The following UBE2QL1 variants were observed in gnomAD, a reference collection of about 807,000 sequenced individuals.
The protein encoded by UBE2QL1 is ubiquitin conjugating enzyme E2 QL1, also known as ubiquitin-conjugating enzyme E2Q-like protein 1.
UBE2QL1 carries 5 observed loss-of-function variants against 12.6 expected under a neutral mutation model. That is an observed-to-expected ratio of 0.40 (90% CI 0.21 to 0.83). UBE2QL1 has a LOEUF of 0.83. Ranked by LOEUF, UBE2QL1 falls within the 40% of genes least tolerant of loss-of-function variation. The probability of loss-of-function intolerance (pLI) is 0.37; values close to 1 mark genes in which losing one functional copy is unlikely to be tolerated. For synonymous variants in UBE2QL1, 96 were observed against 94.5 expected (o/e 1.02, Z -0.10); for missense variants, 99 against 222.6 (o/e 0.44, Z 3.53).
At chr5:6,488,672 T>C (rs2126374476) in intron 1 of UBE2QL1, among the ~76,000 whole-genome samples, 1 of 152,020 alleles carries the variant, frequency 6.6e-6, no homozygotes, top group South Asian at 2.1e-4. Context: ...TGGTGATGCA[T>C]GCCTGTAGCA....
chr5:6,465,624 C>T (rs1389989425), intron 1 of UBE2QL1, among the ~76,000 whole-genome samples: 1 of 152,144 alleles, frequency 6.6e-6, no homozygotes. Context: ...CTTGGGGGGG[C>T]TCTGGGATGC....
intron 1 of UBE2QL1, among the ~76,000 whole-genome samples, chr5:6,471,859 T>C (rs1739918992): frequency 6.6e-6 from 1 of 152,232 alleles, no homozygotes; most frequent in African/African-American, 2.4e-5. Context: ...TTTTTACACA[T>C]GCATAATAAA....
Position 6,458,184 on chromosome 5 carries a change from C to T in UBE2QL1, c.354+8937C>T, listed in dbSNP as rs374319769. Among the ~76,000 whole-genome samples the T allele has an allele frequency of 5.2e-3, 797 of 152,296 alleles. 4 individuals are homozygous for T. The highest frequency in any genetic ancestry group is 0.018 in the African/African-American group (748 of 41,552). ...ATCACTCAGATTGAAGGAATGTCTA[C>T]CTTAAAATAATTTCTCTAAAATAAA... On this transcript the variant is annotated intron_variant, in intron 1 of 1. Transcript: ENST00000399816.
intron 1 of UBE2QL1, among the ~76,000 whole-genome samples, chr5:6,488,149 G>A (rs1052699276): frequency 9.9e-5 from 15 of 152,148 alleles, no homozygotes; most frequent in Admixed American, 9.2e-4. Flanking sequence ...GGCTCATAAC[G>A]GGCTCTGTCT....
intron 1 of UBE2QL1, among the ~76,000 whole-genome samples, chr5:6,477,854 A>G (rs1205247237): frequency 6.6e-6 from 1 of 152,238 alleles, no homozygotes; most frequent in Non-Finnish European, 1.5e-5. Flanking sequence ...CATATCCCAT[A>G]TCGCACAAGT....
At position 6,448,938 on chromosome 5, in the gene UBE2QL1, C is replaced by T; in HGVS notation, c.45C>T (p.Ile15=). Reference sequence around the variant, plus strand: ...TCGCGCGCCTTAGCGACCGCTTCATCTCCGTGGAGCTGGTGGACGAGAGCC... The same window carrying T: ...TCGCGCGCCTTAGCGACCGCTTCATTTCCGTGGAGCTGGTGGACGAGAGCC... ...QDIARLSDRF[I]SVELVDESLF... Residue 15 remains isoleucine, a synonymous_variant, in exon 1 of 2, where the codon ATC becomes ATT. Coordinates refer to ENST00000399816, the MANE Select transcript of UBE2QL1 (RefSeq NM_001145161.3). 13 of 1,546,706 alleles carry T rather than the reference C, an allele frequency of 8.4e-6. No homozygotes were observed. The highest frequency in any genetic ancestry group is 1.1e-5 in the Non-Finnish European group (13 of 1,145,090).
At chr5:6,455,624 G>A (rs116552781) in intron 1 of UBE2QL1, among the ~76,000 whole-genome samples, 327 of 152,224 alleles carry the variant, frequency 2.1e-3, no homozygotes, top group African/African-American at 7.4e-3. Flanking sequence ...AGACTTTGTG[G>A]TCTAGGATCA....
At chr5:6,483,429 A>T (rs1579300969) in intron 1 of UBE2QL1, among the ~76,000 whole-genome samples, 1 of 138,300 alleles carries the variant, frequency 7.2e-6, no homozygotes, top group Non-Finnish European at 1.5e-5. Context: ...ACAGAGTGAG[A>T]CTCTGTCTAA....
intron 1 of UBE2QL1, among the ~76,000 whole-genome samples, chr5:6,474,436 A>G (rs1178983109): frequency 1.3e-5 from 2 of 152,232 alleles, no homozygotes; most frequent in Non-Finnish European, 2.9e-5. Context: ...CTCCAACTCC[A>G]GTGCCGGGAT....
chr5:6,475,069 G>T (rs113396472), intron 1 of UBE2QL1, among the ~76,000 whole-genome samples: 5,680 of 152,256 alleles, frequency 0.037, 393 homozygotes, highest in African/African-American at 0.13. Context: ...AAGATTTCAA[G>T]TGACGCTTGT....
intron 1 of UBE2QL1, among the ~76,000 whole-genome samples, chr5:6,454,794 G>A (rs1291569564): frequency 5.3e-5 from 8 of 152,150 alleles, no homozygotes; most frequent in Non-Finnish European, 7.3e-5. Flanking sequence ...TTTTGGTAGC[G>A]TGCTTATGAG....
At chr5:6,473,301 G>A (rs1320990105) in intron 1 of UBE2QL1, among the ~76,000 whole-genome samples, 1 of 152,210 alleles carries the variant, frequency 6.6e-6, no homozygotes, top group African/African-American at 2.4e-5. Flanking sequence ...TGAAATCTCA[G>A]CAGTTTAATA....
intron 1 of UBE2QL1, among the ~76,000 whole-genome samples, chr5:6,456,929 A>G (rs79971768): frequency 1.7e-3 from 259 of 151,838 alleles, no homozygotes; most frequent in Non-Finnish European, 2.9e-3. Context: ...TTCTATTCCT[A>G]TTCTTCAGTG....
chr5:6,487,121 G>A (rs571811403), intron 1 of UBE2QL1, among the ~76,000 whole-genome samples: 45 of 152,342 alleles, frequency 3.0e-4, no homozygotes, highest in African/African-American at 1.1e-3. Context: ...TGAATGAGAA[G>A]CATTAGACAA....
In UBE2QL1 at chr5:6,449,043, G is replaced by C; in HGVS notation, c.150G>C (p.Glu50Asp). Reference protein sequence around the residue: ...LWQDMKETNTEFILLNLTFPD... With the variant: ...LWQDMKETNTDFILLNLTFPD... ...AGGACATGAAGGAGACCAACACCGAGTTCATCCTGCTCAACCTCACCTTCC... is the reference window on the plus strand; with the variant it reads ...AGGACATGAAGGAGACCAACACCGACTTCATCCTGCTCAACCTCACCTTCC... Residue 50 changes from glutamate (E) to aspartate (D), a missense_variant, in exon 1 of 2, where the codon GAG (glutamate) becomes GAC (aspartate). Coordinates refer to ENST00000399816, the MANE Select transcript of UBE2QL1 (RefSeq NM_001145161.3). 6.5e-7 allele frequency: 1 copy of C among 1,549,128 alleles called. No homozygotes were observed. The highest frequency in any genetic ancestry group is 1.2e-5 in the South Asian group (1 of 83,410).
chr5:6,461,624 G>C (rs1469827447), intron 1 of UBE2QL1, among the ~76,000 whole-genome samples: 1 of 142,884 alleles, frequency 7.0e-6, no homozygotes, highest in African/African-American at 2.6e-5. Flanking sequence ...ATCTAAATCA[G>C]TTCCTGGGCC....
intron 1 of UBE2QL1, among the ~76,000 whole-genome samples, chr5:6,467,319 T>G (rs1177479516): frequency 1.3e-5 from 2 of 152,066 alleles, no homozygotes; most frequent in Non-Finnish European, 2.9e-5. Flanking sequence ...ACGACAGAAA[T>G]GCATTCTCTC....
chr5:6,467,690 A>G, intron 1 of UBE2QL1, among the ~76,000 whole-genome samples: 1 of 151,970 alleles, frequency 6.6e-6, no homozygotes, highest in South Asian at 2.1e-4. Context: ...TCTTTCCTGC[A>G]GCTTTTGCCT....
In UBE2QL1 at chr5:6,481,151, A is replaced by G. The variant is rs1028662503; in HGVS notation, c.355-10067A>G. 6.6e-6 allele frequency among the ~76,000 whole-genome samples: 1 copy of G among 152,072 alleles called. No individual in the cohort carries two copies. The highest frequency in any genetic ancestry group is 1.5e-5 in the Non-Finnish European group (1 of 68,016). On this transcript the variant is annotated intron_variant, in intron 1 of 1. Transcript: ENST00000399816. The surrounding 1 kb of genome is among the most constrained non-coding windows in gnomAD (Gnocchi z 4.5). ...GCTTCTCGGGCCATTTCACCTGTGC[A>G]CGCTTCGTTGTGGCTGCACCTGCCC...
Sources: allele counts gnomAD v4.1 joint callset (sites outside exome capture counted in the v4.1 genomes callset), GRCh38; gene constraint gnomAD v4.1.1; non-coding constraint Gnocchi (gnomAD v3.1); transcripts MANE v1.5; gene names NCBI Gene and HGNC (gene_info 2026-07-23, HGNC 2026-07-21).